BRINP3: variants seen among roughly 807,000 people sequenced by gnomAD.
BRINP3 encodes the protein BMP/retinoic acid-inducible neural-specific protein 3.
BRINP3 carries 19 observed loss-of-function variants against 71.0 expected under a neutral mutation model. That is an observed-to-expected ratio of 0.27 (90% CI 0.19 to 0.39). The LOEUF is 0.39. Among genes scored for constraint, BRINP3 ranks in the 10% least tolerant of loss-of-function variants. The probability of loss-of-function intolerance (pLI) is 1.00; values close to 1 mark genes in which losing one functional copy is unlikely to be tolerated. For synonymous variants in BRINP3, 380 were observed against 337.7 expected (o/e 1.13, Z -1.37); for missense variants, 959 against 940.8 (o/e 1.02, Z -0.25).
chr1:190,433,296 A>T (rs1674226659), intron 2 of BRINP3, among the ~76,000 whole-genome samples: 1 of 152,178 alleles, frequency 6.6e-6, no homozygotes. Flanking sequence ...CTGATTATAA[A>T]CTTTCAATGA....
In BRINP3 at chr1:190,253,547, G is replaced by A. The variant is rs36066766; in HGVS notation, c.618+11318C>T. Among the ~76,000 whole-genome samples, 1,155 of 152,158 alleles carry A rather than the reference G, an allele frequency of 7.6e-3. 7 individuals carry two copies. The highest frequency in any genetic ancestry group is 0.014 in the Middle Eastern group (4 of 294). On this transcript the variant is annotated intron_variant, in intron 4 of 7. Transcript: ENST00000367462. ...CCAGTGGTGATGAGCATTTTTTCAT[G>A]TGTCTGTTGGCTGCATAAATGTCTT...
intron 2 of BRINP3, among the ~76,000 whole-genome samples, chr1:190,406,865 G>T (rs1243007900): frequency 6.6e-6 from 1 of 152,120 alleles, no homozygotes; most frequent in African/African-American, 2.4e-5. Context: ...AAGATTAAAA[G>T]TAAAGTGAGA....
intron 7 of BRINP3, among the ~76,000 whole-genome samples, chr1:190,129,582 G>C (rs1452736505): frequency 2.0e-5 from 3 of 151,934 alleles, no homozygotes; most frequent in African/African-American, 7.2e-5. Context: ...AGAGCAGCAT[G>C]CTTAGTGTGA....
At position 190,475,621 on chromosome 1, in the gene BRINP3, G is replaced by A. The variant is rs536123427; in HGVS notation, c.-51+1827C>T. ...GCTCTCCTCCGTTCCCTGAGCTCAG[G>A]TGGCATAGGCGTTGCCGTGAGCTGC... On this transcript the variant is annotated intron_variant, in intron 1 of 7. Transcript: ENST00000367462. Among the ~76,000 whole-genome samples, 2 of 152,302 alleles carry A rather than the reference G, an allele frequency of 1.3e-5. 1 individual carries two copies. Among genetic ancestry groups the A allele is most frequent in the South Asian group, 4.1e-4 (2 of 4,828 alleles).
chr1:190,433,281 A>G (rs533783708), intron 2 of BRINP3, among the ~76,000 whole-genome samples: 47 of 152,318 alleles, frequency 3.1e-4, no homozygotes, highest in African/African-American at 1.1e-3. Context: ...TCAATCAATT[A>G]TACTCTGATT....
intron 2 of BRINP3, among the ~76,000 whole-genome samples, chr1:190,296,903 G>C (rs1664293725): frequency 6.6e-6 from 1 of 151,798 alleles, no homozygotes; most frequent in African/African-American, 2.4e-5. Context: ...AGAAATTGAA[G>C]AACACATAAA....
At chr1:190,260,261 C>A (rs1661069039) in intron 4 of BRINP3, among the ~76,000 whole-genome samples, 1 of 151,800 alleles carries the variant, frequency 6.6e-6, no homozygotes, top group Non-Finnish European at 1.5e-5. Context: ...TATTGTATCA[C>A]CTAGTGGAAA....
At chr1:190,176,720 G>A (rs140109765) in intron 6 of BRINP3, among the ~76,000 whole-genome samples, 3 of 152,048 alleles carry the variant, frequency 2.0e-5, no homozygotes, top group Non-Finnish European at 2.9e-5. Context: ...GACGGGCTAC[G>A]TTAAAGCTGT....
At chr1:190,144,442 T>C (rs1655713397) in intron 7 of BRINP3, among the ~76,000 whole-genome samples, 1 of 152,052 alleles carries the variant, frequency 6.6e-6, no homozygotes, top group African/African-American at 2.4e-5. Flanking sequence ...GGGATGTTAG[T>C]ACCCTACAGA....
intron 7 of BRINP3, among the ~76,000 whole-genome samples, chr1:190,152,768 T>G (rs1158193495): frequency 6.6e-6 from 1 of 152,052 alleles, no homozygotes; most frequent in Non-Finnish European, 1.5e-5. Context: ...TTCTACAGAC[T>G]TTAATTTTAT....
At chr1:190,153,580 T>C (rs533085052) in intron 7 of BRINP3, among the ~76,000 whole-genome samples, 1 of 152,310 alleles carries the variant, frequency 6.6e-6, no homozygotes, top group South Asian at 2.1e-4. Context: ...TTATAACATG[T>C]AAGTGTAAGA....
chr1:190,442,671 C>CGT (rs1003128790), intron 2 of BRINP3, among the ~76,000 whole-genome samples: 2 of 150,596 alleles, frequency 1.3e-5, no homozygotes, highest in Non-Finnish European at 3.0e-5. Flanking sequence ...TGTGTGATTA[C>CGT]GTGTGTGTGT....
At chr1:190,473,540 C>CCT (rs771264511) in intron 1 of BRINP3, among the ~76,000 whole-genome samples, 1 of 133,078 alleles carries the variant, frequency 7.5e-6, no homozygotes, top group African/African-American at 2.8e-5. Context: ...TAATTTTTCT[C>CCT]TTTTTTTTTT....
At chr1:190,365,189 C>T (rs1221259922) in intron 2 of BRINP3, among the ~76,000 whole-genome samples, 1 of 151,996 alleles carries the variant, frequency 6.6e-6, no homozygotes, top group African/African-American at 2.4e-5. Flanking sequence ...CTGCCTGACT[C>T]CTGAACATGA....
At chr1:190,188,949 T>C (rs1832963) in intron 6 of BRINP3, among the ~76,000 whole-genome samples, 24,289 of 151,896 alleles carry the variant, frequency 0.16, 3,145 homozygotes, top group African/African-American at 0.34. Context: ...TTAGTGGAGA[T>C]GGGGGTCTCA....
At position 190,343,042 on chromosome 1, in the gene BRINP3, A is replaced by G. The variant is rs571273427; in HGVS notation, c.237-61292T>C. Among the ~76,000 whole-genome samples the G allele has an allele frequency of 1.6e-4, 24 of 151,946 alleles. No individual in the cohort carries two copies. The South Asian group carries it at 5.0e-3, about 31-fold the overall frequency. Reference sequence around the variant, plus strand: ...CTTTAAACAGAACTGCGGCATAGCCATTAAATGTATCTAGGAAAAATATCT... The same window carrying G: ...CTTTAAACAGAACTGCGGCATAGCCGTTAAATGTATCTAGGAAAAATATCT... On this transcript the variant is annotated intron_variant, in intron 2 of 7. Transcript: ENST00000367462.
intron 6 of BRINP3, among the ~76,000 whole-genome samples, chr1:190,173,824 T>G (rs1652246243): frequency 6.6e-6 from 1 of 152,194 alleles, no homozygotes; most frequent in Non-Finnish European, 1.5e-5. Context: ...AGATTAGCAT[T>G]GTTTCAAATT....
chr1:190,150,266 ATGTGTG>A (rs10640861), intron 7 of BRINP3, among the ~76,000 whole-genome samples: 17 of 128,128 alleles, frequency 1.3e-4, no homozygotes, highest in Non-Finnish European at 3.2e-5. Flanking sequence ...GTGCATATCT[ATGTGTG>A]TGTGTGTGTG....
At chr1:190,422,361 A>C (rs1214430995) in intron 2 of BRINP3, among the ~76,000 whole-genome samples, 1 of 151,892 alleles carries the variant, frequency 6.6e-6, no homozygotes, top group Non-Finnish European at 1.5e-5. Flanking sequence ...AGAACTGAGA[A>C]GATCATATTG....
Sources: gnomAD v4.1 joint callset for allele counts (sites outside exome capture counted in the v4.1 genomes callset) on GRCh38, gnomAD v4.1.1 for gene constraint, MANE v1.5 for transcripts, NCBI Gene and HGNC (gene_info 2026-07-23, HGNC 2026-07-21) for gene names.